Variants in ADAM12 observed in about 807,000 individuals in gnomAD.
The protein encoded by ADAM12 is ADAM metallopeptidase domain 12, also known as disintegrin and metalloproteinase domain-containing protein 12.
In ADAM12, 70 loss-of-function variants were observed where a neutral mutation model predicts 106.4. That is an observed-to-expected ratio of 0.66 (90% CI 0.54 to 0.80). The LOEUF (loss-of-function observed/expected upper bound fraction) is 0.80. Among genes scored for constraint, ADAM12 ranks in the 30% least tolerant of loss-of-function variants. The probability of loss-of-function intolerance (pLI) is 0.00; values close to 1 mark genes in which losing one functional copy is unlikely to be tolerated. For missense variants in ADAM12, 1,010 were observed against 1,171.9 expected (o/e 0.86, Z 2.02); for synonymous variants, 420 against 433.5 (o/e 0.97, Z 0.39).
At position 126,064,495 on chromosome 10, in the gene ADAM12, C is replaced by T. The variant is rs553115404; in HGVS notation, c.1609+311G>A. Reference sequence around the variant, plus strand: ...GTGCTCCTGCAGCTCCCGTATCTCCCGGGGCACACAGGTGCTCCTGCATCT... The same window carrying T: ...GTGCTCCTGCAGCTCCCGTATCTCCTGGGGCACACAGGTGCTCCTGCATCT... On this transcript the variant is annotated intron_variant, in intron 14 of 22. Coordinates refer to ENST00000448723, the MANE Select transcript of ADAM12 (RefSeq NM_001288973.2). The surrounding 1 kb of genome is among the most constrained non-coding windows in gnomAD (Gnocchi z 4.4). Among the ~76,000 whole-genome samples, 26 of 151,758 alleles carry T rather than the reference C, an allele frequency of 1.7e-4. No homozygotes were observed. The highest frequency in any genetic ancestry group is 5.6e-4 in the African/African-American group (23 of 41,396).
At chr10:126,086,595 T>G (rs1442818960) in intron 11 of ADAM12, among the ~76,000 whole-genome samples, 1 of 130,964 alleles carries the variant, frequency 7.6e-6, no homozygotes, top group Non-Finnish European at 1.5e-5. Flanking sequence ...AAGAATCATT[T>G]GAACCTGGGA....
chr10:126,299,112 T>A (rs1023975545), intron 2 of ADAM12, among the ~76,000 whole-genome samples: 1 of 152,082 alleles, frequency 6.6e-6, no homozygotes. Context: ...TAAATGAATA[T>A]TAAAGGCATG....
intron 2 of ADAM12, among the ~76,000 whole-genome samples, chr10:126,322,632 G>A (rs1480976237): frequency 1.3e-5 from 2 of 152,214 alleles, no homozygotes; most frequent in African/African-American, 4.8e-5. Context: ...CATTTGCTGA[G>A]GATCCAGCAT....
At position 126,269,144 on chromosome 10, in the gene ADAM12, G is replaced by C. The variant is rs533021548; in HGVS notation, c.260+9771C>G. Among the ~76,000 whole-genome samples, 54 of 152,308 alleles carry C rather than the reference G, an allele frequency of 3.5e-4. No homozygotes were observed. In the South Asian group the frequency reaches 3.9e-3, roughly 11 times the overall value. ...GCATTTGTAAACTGTCATGGTGCTG[G>C]TGGGAGGGTAGCAGTGAGGATGACT... is the stretch of plus-strand genomic sequence containing the variant. On this transcript the variant is annotated intron_variant, in intron 3 of 22. Coordinates refer to ENST00000448723, the MANE Select transcript of ADAM12 (RefSeq NM_001288973.2).
chr10:126,204,873 C>T (rs1957768014), intron 3 of ADAM12, among the ~76,000 whole-genome samples: 1 of 152,196 alleles, frequency 6.6e-6, no homozygotes, highest in African/African-American at 2.4e-5. Flanking sequence ...CTACCCAACT[C>T]TGCGCTATTC....
At chr10:126,227,015 T>C (rs1047808862) in intron 3 of ADAM12, among the ~76,000 whole-genome samples, 18 of 152,138 alleles carry the variant, frequency 1.2e-4, no homozygotes, top group African/African-American at 4.3e-4. Flanking sequence ...AACATTTCTA[T>C]GAAGATAAGT....
At chr10:126,108,718 C>A in intron 7 of ADAM12, 54 bp from the exon 8 acceptor site, 1 of 1,487,330 alleles carries the variant, frequency 6.7e-7, no homozygotes, top group Non-Finnish European at 9.4e-7. Flanking sequence ...AATCACGTTT[C>A]ATCTTCCTGG....
intron 1 of ADAM12, among the ~76,000 whole-genome samples, chr10:126,339,847 C>CTTTTT (rs146232567): frequency 3.3e-4 from 25 of 75,676 alleles, no homozygotes; most frequent in South Asian, 6.1e-4. Context: ...CATTCTAGGG[C>CTTTTT]TTTTTTTTTT....
At chr10:126,150,125 C>A (rs1180203172) in intron 4 of ADAM12, among the ~76,000 whole-genome samples, 1 of 152,196 alleles carries the variant, frequency 6.6e-6, no homozygotes, top group South Asian at 2.1e-4. Flanking sequence ...CATCATAGAT[C>A]GTGGACATTT....
chr10:126,110,762 T>C (rs1418213561), intron 6 of ADAM12, among the ~76,000 whole-genome samples: 1 of 152,192 alleles, frequency 6.6e-6, no homozygotes, highest in African/African-American at 2.4e-5. Flanking sequence ...CCAAATGCAT[T>C]TTTAAGAGAA....
chr10:126,132,637 T>C (rs1312304502), intron 5 of ADAM12, among the ~76,000 whole-genome samples: 1 of 151,820 alleles, frequency 6.6e-6, no homozygotes, highest in Non-Finnish European at 1.5e-5. Flanking sequence ...TGCATTTGTT[T>C]ACTGTTTCTC....
intron 2 of ADAM12, among the ~76,000 whole-genome samples, chr10:126,289,417 G>A (rs1317766085): frequency 6.6e-6 from 1 of 152,228 alleles, no homozygotes; most frequent in Non-Finnish European, 1.5e-5. Flanking sequence ...TAGCCCCAGT[G>A]CCATGTGCCT....
intron 3 of ADAM12, among the ~76,000 whole-genome samples, chr10:126,155,839 G>T (rs1484104431): frequency 1.3e-5 from 2 of 152,088 alleles, no homozygotes; most frequent in East Asian, 1.9e-4. Context: ...GAATAGAACA[G>T]CAATGAAATG....
chr10:126,026,464 C>T (rs1953875102), intron 21 of ADAM12, among the ~76,000 whole-genome samples: 1 of 152,144 alleles, frequency 6.6e-6, no homozygotes, highest in Non-Finnish European at 1.5e-5. Context: ...CACCCAAAAC[C>T]AACAATCTAC....
chr10:126,344,818 T>A (rs1383575435), intron 1 of ADAM12, among the ~76,000 whole-genome samples: 1 of 152,130 alleles, frequency 6.6e-6, no homozygotes. Context: ...GATTTGGCTC[T>A]CTGTTTGTCT....
chr10:126,258,828 T>C (rs2133703770), intron 3 of ADAM12, among the ~76,000 whole-genome samples: 1 of 152,288 alleles, frequency 6.6e-6, no homozygotes, highest in African/African-American at 2.4e-5. Flanking sequence ...CTTTCCCTCA[T>C]TGCCCATGCC....
At chr10:126,025,313 C>G (rs148284561) in intron 21 of ADAM12, among the ~76,000 whole-genome samples, 56 of 152,272 alleles carry the variant, frequency 3.7e-4, no homozygotes, top group African/African-American at 1.3e-3. Context: ...TAAAACAATA[C>G]AGGAGCTGAC....
intron 1 of ADAM12, among the ~76,000 whole-genome samples, chr10:126,362,727 T>C (rs1306678031): frequency 6.6e-6 from 1 of 152,162 alleles, no homozygotes; most frequent in Admixed American, 6.5e-5. Context: ...ATATGTGGAA[T>C]CTAAAACAAT....
At chr10:126,287,567 G>A (rs1368703797) in intron 2 of ADAM12, among the ~76,000 whole-genome samples, 3 of 151,860 alleles carry the variant, frequency 2.0e-5, no homozygotes, top group East Asian at 3.9e-4. Flanking sequence ...ACAAAACCAC[G>A]GCCTTCACGC....
Sources: allele counts gnomAD v4.1 joint callset (sites outside exome capture counted in the v4.1 genomes callset), GRCh38; gene constraint gnomAD v4.1.1; non-coding constraint Gnocchi (gnomAD v3.1); transcripts MANE v1.5; gene names NCBI Gene and HGNC (gene_info 2026-07-23, HGNC 2026-07-21).